Variants in TNIK observed in about 807,000 individuals in gnomAD.
The protein encoded by TNIK is TRAF2 and NCK interacting kinase.
TNIK carries 49 observed loss-of-function variants against 191.3 expected under a neutral mutation model. The ratio of observed to expected loss-of-function variants is 0.26; its 90% CI spans 0.20 to 0.32. The LOEUF is 0.32. Among genes scored for constraint, TNIK ranks in the 10% least tolerant of loss-of-function variants. The probability of loss-of-function intolerance (pLI) is 1.00; values close to 1 mark genes in which losing one functional copy is unlikely to be tolerated. For missense variants in TNIK, 1,155 were observed against 1,702.3 expected (o/e 0.68, Z 5.66); for synonymous variants, 594 against 600.9 (o/e 0.99, Z 0.17).
intron 7 of TNIK, among the ~76,000 whole-genome samples, chr3:171,180,213 C>G (rs1736472446): frequency 6.6e-6 from 1 of 152,138 alleles, no homozygotes; most frequent in Admixed American, 6.5e-5. Context: ...TTGACTCAAG[C>G]TGTTACCTCT....
chr3:171,120,045 G>A (rs1727420866), intron 18 of TNIK, among the ~76,000 whole-genome samples: 1 of 152,130 alleles, frequency 6.6e-6, no homozygotes, highest in African/African-American at 2.4e-5. Context: ...GAGAAGGAAG[G>A]ATATTCAAAA....
At chr3:171,450,139 G>A (rs1025089762) in intron 1 of TNIK, among the ~76,000 whole-genome samples, 6 of 151,994 alleles carry the variant, frequency 3.9e-5, no homozygotes, top group Admixed American at 1.3e-4. Context: ...AGGAGTCTTC[G>A]TAGCTTCCCA....
At chr3:171,330,849 C>T (rs987930610) in intron 2 of TNIK, among the ~76,000 whole-genome samples, 3 of 152,074 alleles carry the variant, frequency 2.0e-5, no homozygotes, top group Non-Finnish European at 2.9e-5. Flanking sequence ...CCTACGACCC[C>T]GAATTAAAAC....
chr3:171,073,603 A>T (rs1006503199), intron 28 of TNIK, among the ~76,000 whole-genome samples: 3 of 152,310 alleles, frequency 2.0e-5, no homozygotes, highest in Middle Eastern at 3.4e-3. Context: ...ACATGATGGG[A>T]GAAAATATTT....
At chr3:171,414,268 T>G (rs1177114826) in intron 1 of TNIK, among the ~76,000 whole-genome samples, 1 of 152,234 alleles carries the variant, frequency 6.6e-6, no homozygotes, top group East Asian at 1.9e-4. Context: ...AAAGTGATCA[T>G]TCCCTTAGTT....
At chr3:171,395,408 A>C (rs1720088694) in intron 1 of TNIK, among the ~76,000 whole-genome samples, 1 of 152,180 alleles carries the variant, frequency 6.6e-6, no homozygotes. Flanking sequence ...CGTGCTTGGC[A>C]CTTAACAGGC....
chr3:171,177,970 T>C lies in TNIK; in HGVS notation c.640-590A>G, dbSNP rs1044403384. On this transcript the variant is annotated intron_variant, in intron 7 of 32. Coordinates refer to ENST00000436636, the MANE Select transcript of TNIK (RefSeq NM_015028.4). ...TGAAATCACATCATATGTGGTCTTA[T>C]GTATTCGATCTGTTTCACGTAGAAT... Among the ~76,000 whole-genome samples the C allele has an allele frequency of 4.6e-5, 7 of 152,274 alleles. No individual in the cohort carries two copies. The East Asian group carries it at 5.8e-4, about 13-fold the overall frequency.
intron 12 of TNIK, among the ~76,000 whole-genome samples, chr3:171,150,310 A>G (rs937004115): frequency 2.6e-5 from 4 of 152,222 alleles, no homozygotes; most frequent in African/African-American, 9.6e-5. Context: ...TAAATGGTCA[A>G]ACTGAGACAT....
intron 1 of TNIK, among the ~76,000 whole-genome samples, chr3:171,449,065 C>T (rs1344200478): frequency 6.6e-6 from 1 of 152,014 alleles, no homozygotes; most frequent in African/African-American, 2.4e-5. Flanking sequence ...ACCCATGTCC[C>T]TGCAAAGGAC....
intron 22 of TNIK, among the ~76,000 whole-genome samples, chr3:171,098,565 A>G (rs1412565490): frequency 6.6e-6 from 1 of 152,168 alleles, no homozygotes. Flanking sequence ...GAAAAAAGCT[A>G]TTGTTTTAAA....
At chr3:171,302,905 T>C (rs141122142) in intron 2 of TNIK, among the ~76,000 whole-genome samples, 165 of 152,308 alleles carry the variant, frequency 1.1e-3, no homozygotes, top group African/African-American at 3.9e-3. Context: ...AAGTCTCTCT[T>C]GCTCAAATCA....
chr3:171,294,308 A>G (rs1752018466), intron 2 of TNIK, among the ~76,000 whole-genome samples: 1 of 152,054 alleles, frequency 6.6e-6, no homozygotes, highest in Admixed American at 6.5e-5. Flanking sequence ...CTGTAATCCT[A>G]GATACTTCAG....
intron 14 of TNIK, 90 bp downstream of exon 14, chr3:171,139,374 GCGCGCA>G: frequency 1.8e-6 from 1 of 567,410 alleles, no homozygotes; most frequent in African/African-American, 2.7e-5. Context: ...ACACACGCAC[GCGCGCA>G]CACACACACA....
chr3:171,134,412 C>T (rs931219144), intron 15 of TNIK, among the ~76,000 whole-genome samples: 4 of 152,136 alleles, frequency 2.6e-5, no homozygotes, highest in African/African-American at 9.7e-5. Flanking sequence ...TTTGGTGTAG[C>T]TGGGACCATA....
intron 2 of TNIK, among the ~76,000 whole-genome samples, chr3:171,287,348 A>G (rs1751130295): frequency 6.6e-6 from 1 of 152,218 alleles, no homozygotes; most frequent in African/African-American, 2.4e-5. Flanking sequence ...ATGTGGACTC[A>G]GATGTATCTA....
intron 1 of TNIK, among the ~76,000 whole-genome samples, chr3:171,397,629 A>G (rs1295113069): frequency 6.6e-6 from 1 of 152,216 alleles, no homozygotes; most frequent in Non-Finnish European, 1.5e-5. Context: ...GAACTTACAA[A>G]ATGACAACTT....
intron 1 of TNIK, among the ~76,000 whole-genome samples, chr3:171,404,127 G>A (rs1721351756): frequency 6.6e-6 from 1 of 152,214 alleles, no homozygotes; most frequent in South Asian, 2.1e-4. Flanking sequence ...ACCCATATAA[G>A]TGTATAGAAA....
rs1717927158 is a variant in TNIK at position 171,062,505 on chromosome 3, A to C, written c.*1376T>G. On this transcript the variant is annotated 3_prime_UTR_variant, in exon 33 of 33. Transcript: ENST00000436636. ...AAAAAAAAAATCCCAGTCGCATAAA[A>C]GTTCAAATCATTTGAGTAAGAGTTT... The C allele has an allele frequency of 6.6e-6, 1 of 152,200 alleles. No individual in the cohort carries two copies. Among genetic ancestry groups the C allele is most frequent in the Admixed American group, 6.5e-5 (1 of 15,274 alleles). 9.4% of individuals were successfully genotyped at this position (152,200 alleles called of 1,614,324 possible).
chr3:171,218,409 T>A (rs1367230305), intron 3 of TNIK, among the ~76,000 whole-genome samples: 1 of 152,040 alleles, frequency 6.6e-6, no homozygotes, highest in Non-Finnish European at 1.5e-5. Context: ...AGTAAACAAG[T>A]TTTAAACCTA....
Sources: allele counts gnomAD v4.1 joint callset (sites outside exome capture counted in the v4.1 genomes callset), GRCh38; gene constraint gnomAD v4.1.1; transcripts MANE v1.5; gene names NCBI Gene and HGNC (gene_info 2026-07-23, HGNC 2026-07-21).